Variants in LMTK2 observed in about 807,000 individuals in gnomAD.
The protein encoded by LMTK2 is lemur tail kinase 2.
A neutral mutation model predicts 127.5 loss-of-function variants in LMTK2; 37 were observed. That is an observed-to-expected ratio of 0.29 (90% CI 0.22 to 0.38). The LOEUF (loss-of-function observed/expected upper bound fraction) is 0.38, where lower values mean the gene tolerates loss of function less well. Ranked by LOEUF, LMTK2 falls within the 10% of genes least tolerant of loss-of-function variation. The pLI is 1.00. For synonymous variants in LMTK2, 819 were observed against 810.1 expected (o/e 1.01, Z -0.19); for missense variants, 1,694 against 1,920.3 (o/e 0.88, Z 2.20).
chr7:98,154,357 T>C (rs1038970831), intron 4 of LMTK2, among the ~76,000 whole-genome samples: 2 of 152,220 alleles, frequency 1.3e-5, no homozygotes, highest in African/African-American at 4.8e-5. Context: ...GCAGACTAAA[T>C]AACAAAACTT....
intron 3 of LMTK2, among the ~76,000 whole-genome samples, chr7:98,142,706 G>T (rs1796717362): frequency 6.6e-6 from 1 of 152,252 alleles, no homozygotes; most frequent in Admixed American, 6.5e-5. Flanking sequence ...GTGGAAACGA[G>T]AATTTTCTGA....
At chr7:98,146,443 G>A (rs1796774770) in intron 3 of LMTK2, among the ~76,000 whole-genome samples, 1 of 151,852 alleles carries the variant, frequency 6.6e-6, no homozygotes, top group Admixed American at 6.6e-5. Context: ...CAGTGGGAGT[G>A]GAGAAGGAAC....
In LMTK2 at chr7:98,107,292, C is replaced by G. The variant is rs772100416; in HGVS notation, c.103+12C>G. ...GCAAACAGGTGCAGGTGAGCGGGCCCGCGGCGGGGACGGGGCTGCGGGGTC... is the reference window on the plus strand; with the variant it reads ...GCAAACAGGTGCAGGTGAGCGGGCCGGCGGCGGGGACGGGGCTGCGGGGTC... On this transcript the variant is annotated intron_variant, in intron 1 of 13. Transcript: ENST00000297293. The G allele has an allele frequency of 1.2e-5, 15 of 1,279,694 alleles. No individual in the cohort carries two copies. In the South Asian group the frequency reaches 2.7e-4, roughly 23 times the overall value. The allele number at this position is 1,279,694 out of a possible 1,614,324, so 79.3% of individuals were successfully genotyped here.
chr7:98,183,012 CTT>C (rs1436552932), intron 7 of LMTK2, among the ~76,000 whole-genome samples: 1 of 152,174 alleles, frequency 6.6e-6, no homozygotes, highest in Non-Finnish European at 1.5e-5. Context: ...GATCTTACGA[CTT>C]TTTGTAGCAA....
At chr7:98,136,484 G>A (rs1417085293) in intron 1 of LMTK2, among the ~76,000 whole-genome samples, 2 of 152,194 alleles carry the variant, frequency 1.3e-5, no homozygotes, top group Admixed American at 6.5e-5. Flanking sequence ...CTAATTACTG[G>A]AGGGTTTTTA....
chr7:98,123,326 G>C (rs1435055215), intron 1 of LMTK2, among the ~76,000 whole-genome samples: 1 of 152,042 alleles, frequency 6.6e-6, no homozygotes, highest in East Asian at 1.9e-4. Flanking sequence ...ACATTTTTAT[G>C]GCTACAGACA....
chr7:98,192,705 C>T lies in LMTK2; in HGVS notation c.2240C>T (p.Thr747Ile). The part of the protein sequence containing the change: ...SSKEHINDLQ[T>I]ELKNAGFTEA... ...AAAGAACACATAAATGATCTTCAGA[C>T]AGAACTTAAGAATGCTGGTTTTACT... The change falls in exon 11 of 14, where the codon ACA becomes ATA. Residue 747 changes from threonine (T) to isoleucine (I), a missense_variant. Thr to Ile is a moderately conservative substitution (Grantham distance 89). This residue lies in a region of LMTK2 where 527 missense variants were observed against 539.8 expected (regional missense o/e 0.98). Coordinates refer to ENST00000297293, the MANE Select transcript of LMTK2 (RefSeq NM_014916.4). 1 of 1,611,836 alleles carries T rather than the reference C, an allele frequency of 6.2e-7. No individual in the cohort carries two copies. The highest frequency in any genetic ancestry group is 1.3e-5 in the African/African-American group (1 of 74,916).
At chr7:98,204,502 C>G (rs922877622) in intron 13 of LMTK2, among the ~76,000 whole-genome samples, 3 of 152,148 alleles carry the variant, frequency 2.0e-5, no homozygotes, top group Non-Finnish European at 4.4e-5. Context: ...GTGGTGTGCA[C>G]CTGCACTTCA....
At chr7:98,155,496 C>A (rs1796914085) in intron 5 of LMTK2, among the ~76,000 whole-genome samples, 1 of 152,198 alleles carries the variant, frequency 6.6e-6, no homozygotes, top group Non-Finnish European at 1.5e-5. Flanking sequence ...TGCCAAGACA[C>A]ATGGTCAAAC....
chr7:98,191,424 C>T (rs955576450), intron 10 of LMTK2, among the ~76,000 whole-genome samples, 190 bp from the exon 11 acceptor site: 2 of 152,018 alleles, frequency 1.3e-5, no homozygotes, highest in Admixed American at 6.5e-5. Context: ...CGGCAGCGGG[C>T]GCCTGTAATC....
At chr7:98,150,201 G>T (rs188506048) in intron 3 of LMTK2, among the ~76,000 whole-genome samples, 1 of 151,906 alleles carries the variant, frequency 6.6e-6, no homozygotes. Flanking sequence ...CCAGCTACTC[G>T]GGAGGCTGAG....
chr7:98,139,149 A>C (rs1030970922), intron 2 of LMTK2, among the ~76,000 whole-genome samples: 1 of 152,132 alleles, frequency 6.6e-6, no homozygotes, highest in Non-Finnish European at 1.5e-5. Flanking sequence ...TTTTTCAGAC[A>C]GGGTCTCTCT....
chr7:98,187,855 C>T (rs1243017976), intron 9 of LMTK2, among the ~76,000 whole-genome samples: 1 of 152,096 alleles, frequency 6.6e-6, no homozygotes, highest in Non-Finnish European at 1.5e-5. Context: ...CCTCGTCCTC[C>T]CAAAGTACTG....
chr7:98,152,155 A>T (rs537440756), intron 4 of LMTK2, among the ~76,000 whole-genome samples: 1 of 152,186 alleles, frequency 6.6e-6, no homozygotes, highest in Non-Finnish European at 1.5e-5. Context: ...ACAGTCTTAC[A>T]ATGAAGACCA....
chr7:98,132,746 T>C (rs1003419976), intron 1 of LMTK2, among the ~76,000 whole-genome samples: 2 of 152,196 alleles, frequency 1.3e-5, no homozygotes, highest in Non-Finnish European at 2.9e-5. Flanking sequence ...TGGATCTAAA[T>C]ATTGATCATC....
chr7:98,107,290 C>T lies in LMTK2; in HGVS notation c.103+10C>T. The T allele has an allele frequency of 5.2e-6, 7 of 1,344,318 alleles. No individual in the cohort carries two copies. Among genetic ancestry groups the T allele is most frequent in the African/African-American group, 1.5e-5 (1 of 65,382 alleles). 83.3% of individuals were successfully genotyped at this position (1,344,318 alleles called of 1,614,324 possible). A position where few individuals can be genotyped will look rare whatever the true frequency, so the allele number is the denominator to read the frequency against. On this transcript the variant is annotated intron_variant, in intron 1 of 13. Transcript: ENST00000297293. Reference sequence around the variant, plus strand: ...CCGCAAACAGGTGCAGGTGAGCGGGCCCGCGGCGGGGACGGGGCTGCGGGG... The same window carrying T: ...CCGCAAACAGGTGCAGGTGAGCGGGTCCGCGGCGGGGACGGGGCTGCGGGG...
rs764183801 is a variant in LMTK2 at position 98,194,087 on chromosome 7, G to A, written c.3622G>A (p.Glu1208Lys). Residue 1208 changes from glutamate to lysine, a missense_variant, in exon 11 of 14, where the codon GAA becomes AAA. Physicochemically the swap from Glu to Lys is moderately conservative, Grantham distance 56 (BLOSUM62 1). This residue lies in a region of LMTK2 where 554 missense variants were observed against 567.7 expected (regional missense o/e 0.98). Transcript: ENST00000297293. This position sits in a 1 kb window ranked among gnomAD's most constrained non-coding sequence, Gnocchi z 5.4. Reference sequence around the variant, plus strand: ...CAGTCCCTGGAGTGTGCTGAATGCAGAACTTAGCAGCGGCGATGACTTCGA... The same window carrying A: ...CAGTCCCTGGAGTGTGCTGAATGCAAAACTTAGCAGCGGCGATGACTTCGA... ...ASSPWSVLNA[E>K]LSSGDDFETQ... 2.5e-6 allele frequency: 4 copies of A among 1,614,026 alleles called. No homozygotes were observed. The highest frequency in any genetic ancestry group is 2.5e-6 in the Non-Finnish European group (3 of 1,180,054).
intron 9 of LMTK2, among the ~76,000 whole-genome samples, chr7:98,188,989 C>T (rs1440717847): frequency 1.3e-5 from 2 of 152,162 alleles, no homozygotes; most frequent in Non-Finnish European, 2.9e-5. Context: ...TGAAGCCTCC[C>T]TTCACTCCTT....
chr7:98,152,121 T>G (rs991984134), intron 4 of LMTK2, among the ~76,000 whole-genome samples: 1 of 152,190 alleles, frequency 6.6e-6, no homozygotes, highest in Non-Finnish European at 1.5e-5. Context: ...CTTATAGCAC[T>G]TAAGCCACTT....
Sources: allele counts gnomAD v4.1 joint callset (sites outside exome capture counted in the v4.1 genomes callset), GRCh38; gene constraint gnomAD v4.1.1; regional missense constraint gnomAD v4.1.1; non-coding constraint Gnocchi (gnomAD v3.1); transcripts MANE v1.5; gene names NCBI Gene and HGNC (gene_info 2026-07-23, HGNC 2026-07-21).